KHDRBS2: variants seen among roughly 807,000 people sequenced by gnomAD.
KHDRBS2 encodes KH domain-containing, RNA-binding, signal transduction-associated protein 2.
In KHDRBS2, 26 loss-of-function variants were observed where a neutral mutation model predicts 44.3. The observed-to-expected ratio is 0.59, with a 90% CI of 0.43 to 0.81. The LOEUF (loss-of-function observed/expected upper bound fraction) is 0.81. Ranked by LOEUF, KHDRBS2 falls within the 40% of genes least tolerant of loss-of-function variation. The pLI, the probability that KHDRBS2 is intolerant of heterozygous loss-of-function variation, is 0.00. For missense variants in KHDRBS2, 476 were observed against 433.1 expected, an observed-to-expected ratio of 1.10 and a Z score of -0.88; for synonymous variants, 194 against 151.1, an observed-to-expected ratio of 1.28 and a Z score of -2.08.
At chr6:62,264,460 T>C (rs1340814090) in intron 1 of KHDRBS2, among the ~76,000 whole-genome samples, 1 of 151,814 alleles carries the variant, frequency 6.6e-6, no homozygotes, top group Non-Finnish European at 1.5e-5. Flanking sequence ...CCAGTTTGTT[T>C]CTTCCCATAG....
At chr6:62,221,622 T>A (rs997554090) in intron 1 of KHDRBS2, among the ~76,000 whole-genome samples, 1 of 151,974 alleles carries the variant, frequency 6.6e-6, no homozygotes, top group Admixed American at 6.6e-5. Context: ...TAATAAACAA[T>A]CGCATTGGCT....
intron 6 of KHDRBS2, among the ~76,000 whole-genome samples, chr6:61,763,659 A>G (rs1030141793): frequency 1.3e-5 from 2 of 152,180 alleles, no homozygotes. Flanking sequence ...AGGAATACCA[A>G]TAATAATAGA....
the KHDRBS2 span, among the ~76,000 whole-genome samples, chr6:61,580,331 T>C: frequency 3.3e-5 from 5 of 152,186 alleles, no homozygotes; most frequent in South Asian, 1.0e-3. Flanking sequence ...AGCTAAAGGA[T>C]TGTAAAGGCA....
At chr6:61,615,426 T>C in the KHDRBS2 span, among the ~76,000 whole-genome samples, 9 of 152,000 alleles carry the variant, frequency 5.9e-5, no homozygotes, top group Non-Finnish European at 1.0e-4. Context: ...ATTTGAGATG[T>C]TGTGAGTGGA....
the KHDRBS2 span, among the ~76,000 whole-genome samples, chr6:61,619,687 C>A: frequency 6.6e-6 from 1 of 152,162 alleles, no homozygotes; most frequent in Admixed American, 6.5e-5. Flanking sequence ...CTCCTGACCT[C>A]AGGTGATCCA....
intron 6 of KHDRBS2, among the ~76,000 whole-genome samples, chr6:61,757,711 T>A (rs1376338694): frequency 1.3e-5 from 2 of 152,170 alleles, no homozygotes; most frequent in African/African-American, 4.8e-5. Context: ...TTCAATTTTA[T>A]CTTCTTTATT....
chr6:62,112,749 T>C lies in KHDRBS2; in HGVS notation c.219+64436A>G, dbSNP rs138833609. ...ACTTTGTGGTGACAAACAGGAATAC[T>C]GTCCAACAAAGTGTTCAGTGGATTC... On this transcript the variant is annotated intron_variant, in intron 2 of 8. Coordinates refer to ENST00000281156, the MANE Select transcript of KHDRBS2 (RefSeq NM_152688.4). Among the ~76,000 whole-genome samples the C allele has an allele frequency of 1.1e-4, 16 of 152,302 alleles. No individual in the cohort carries two copies. In the East Asian group the frequency reaches 2.9e-3, roughly 28 times the overall value.
At chr6:61,572,164 C>T in the KHDRBS2 span, among the ~76,000 whole-genome samples, 58 of 151,940 alleles carry the variant, frequency 3.8e-4, no homozygotes, top group African/African-American at 8.4e-4. Flanking sequence ...GAAATACAAA[C>T]GGATTGTCCA....
the KHDRBS2 span, among the ~76,000 whole-genome samples, chr6:61,567,669 AT>A: frequency 8.6e-5 from 13 of 150,366 alleles, no homozygotes; most frequent in African/African-American, 2.7e-4. Context: ...AAAAAAAAGG[AT>A]TTTTTTCTTT....
At chr6:61,555,895 G>T in the KHDRBS2 span, among the ~76,000 whole-genome samples, 1 of 152,166 alleles carries the variant, frequency 6.6e-6, no homozygotes, top group Admixed American at 6.5e-5. Context: ...TGCTGTGCTG[G>T]AGAGGCCAAG....
chr6:62,179,176 A>G (rs1362459390), intron 1 of KHDRBS2, among the ~76,000 whole-genome samples: 2 of 151,590 alleles, frequency 1.3e-5, no homozygotes, highest in Non-Finnish European at 3.0e-5. Context: ...GTAATATTAC[A>G]TTACTTACCC....
At chr6:61,756,267 T>C (rs979151481) in intron 6 of KHDRBS2, among the ~76,000 whole-genome samples, 1 of 152,050 alleles carries the variant, frequency 6.6e-6, no homozygotes, top group Non-Finnish European at 1.5e-5. Context: ...TTAATTTATT[T>C]TTTTTTTGAG....
chr6:62,157,167 A>G (rs1158677011), intron 2 of KHDRBS2, among the ~76,000 whole-genome samples: 1 of 151,348 alleles, frequency 6.6e-6, no homozygotes, highest in Non-Finnish European at 1.5e-5. Flanking sequence ...CATCCTGGCC[A>G]TCATGGTGAA....
At chr6:61,690,734 A>G (rs993915247) in intron 8 of KHDRBS2, among the ~76,000 whole-genome samples, 4 of 152,076 alleles carry the variant, frequency 2.6e-5, no homozygotes, top group Admixed American at 1.3e-4. Context: ...GAGCCTGCAT[A>G]TAAGTTATGT....
chr6:61,823,501 G>A (rs1790332466), intron 6 of KHDRBS2, among the ~76,000 whole-genome samples: 1 of 150,782 alleles, frequency 6.6e-6, no homozygotes, highest in African/African-American at 2.5e-5. Context: ...AGTCTAATGT[G>A]CCAAGTGAGC....
chr6:62,075,278 C>T (rs1008679514), intron 2 of KHDRBS2, among the ~76,000 whole-genome samples: 79 of 151,838 alleles, frequency 5.2e-4, no homozygotes, highest in African/African-American at 1.7e-3. Context: ...GAAGCTTGTT[C>T]ACCCCCTCCA....
chr6:62,047,765 A>G, intron 3 of KHDRBS2, 113 bp downstream of exon 3: 1 of 709,462 alleles, frequency 1.4e-6, no homozygotes, highest in Non-Finnish European at 2.6e-6. Context: ...ATCCCAGGAA[A>G]TGGAAATCAT....
chr6:61,691,974 T>TAA (rs1180460722), intron 8 of KHDRBS2, among the ~76,000 whole-genome samples: 1 of 152,144 alleles, frequency 6.6e-6, no homozygotes, highest in African/African-American at 2.4e-5. Context: ...AAAATGCCAC[T>TAA]AAAGAATGGA....
At chr6:61,969,930 T>G (rs1446125208) in intron 4 of KHDRBS2, among the ~76,000 whole-genome samples, 1 of 151,954 alleles carries the variant, frequency 6.6e-6, no homozygotes, top group African/African-American at 2.4e-5. Context: ...GTTATTATTC[T>G]TGGTATAAGA....
Sources: allele counts gnomAD v4.1 joint callset (sites outside exome capture counted in the v4.1 genomes callset), GRCh38; gene constraint gnomAD v4.1.1; transcripts MANE v1.5; gene names NCBI Gene and HGNC (gene_info 2026-07-23, HGNC 2026-07-21).